Variants in KIF6 observed in about 807,000 individuals in gnomAD.
KIF6 encodes kinesin family member 6, also known as kinesin-like protein KIF6.
Under a neutral mutation model 112.7 loss-of-function variants are expected in KIF6, and 106 were observed. That is an observed-to-expected ratio of 0.94 (90% confidence interval 0.80 to 1.11). The LOEUF (loss-of-function observed/expected upper bound fraction) is 1.11, where lower values mean the gene tolerates loss of function less well. Ranked by LOEUF, KIF6 falls within the 50% of genes least tolerant of loss-of-function variation. The pLI is 0.00. For synonymous variants in KIF6, 339 were observed against 339.9 expected (o/e 1.00, Z 0.03); for missense variants, 929 against 964.0 (o/e 0.96, Z 0.48).
At chr6:39,447,503 T>C (rs1035020311) in intron 13 of KIF6, among the ~76,000 whole-genome samples, 2 of 151,948 alleles carry the variant, frequency 1.3e-5, no homozygotes, top group African/African-American at 2.4e-5. Flanking sequence ...AATGTAGCTA[T>C]ATTTGAATTT....
At chr6:39,401,817 C>T (rs1175141439) in intron 15 of KIF6, among the ~76,000 whole-genome samples, 1 of 152,226 alleles carries the variant, frequency 6.6e-6, no homozygotes, top group African/African-American at 2.4e-5. Flanking sequence ...TTTCATTATC[C>T]TTGTCTGAAA....
At chr6:39,573,486 G>T (rs1179485959) in intron 10 of KIF6, among the ~76,000 whole-genome samples, 1 of 152,162 alleles carries the variant, frequency 6.6e-6, no homozygotes, top group African/African-American at 2.4e-5. Flanking sequence ...AGAACACATT[G>T]TCTGAATAAT....
chr6:39,443,114 A>AAATAAT (rs370011414), intron 13 of KIF6, among the ~76,000 whole-genome samples: 10,155 of 131,392 alleles, frequency 0.077, 439 homozygotes, highest in East Asian at 0.13. Context: ...ACTGCATCTC[A>AAATAAT]AATAATAATA....
At chr6:39,515,290 A>G (rs1777008731) in intron 13 of KIF6, among the ~76,000 whole-genome samples, 2 of 152,232 alleles carry the variant, frequency 1.3e-5, no homozygotes, top group Non-Finnish European at 2.9e-5. Flanking sequence ...AAAGAGAACT[A>G]GATAACAAAG....
At chr6:39,497,869 T>C (rs1287544263) in intron 13 of KIF6, among the ~76,000 whole-genome samples, 1 of 152,224 alleles carries the variant, frequency 6.6e-6, no homozygotes, top group Non-Finnish European at 1.5e-5. Context: ...AAACAGATTA[T>C]AAACTATTGG....
At chr6:39,457,792 A>C (rs1773229917) in intron 13 of KIF6, among the ~76,000 whole-genome samples, 2 of 152,036 alleles carry the variant, frequency 1.3e-5, no homozygotes, top group Admixed American at 1.3e-4. Flanking sequence ...ACAATCCTCG[A>C]CACATACACT....
At chr6:39,448,646 T>C (rs1772491127) in intron 13 of KIF6, among the ~76,000 whole-genome samples, 1 of 152,198 alleles carries the variant, frequency 6.6e-6, no homozygotes, top group Non-Finnish European at 1.5e-5. Context: ...GTTTTTGTCC[T>C]ACCTCCCTGG....
At chr6:39,363,675 T>C (rs1275993426) in intron 16 of KIF6, among the ~76,000 whole-genome samples, 1 of 152,218 alleles carries the variant, frequency 6.6e-6, no homozygotes, top group Non-Finnish European at 1.5e-5. Context: ...AAGACTCTGC[T>C]ACAGTCCATG....
rs185986544 is a variant in KIF6, at chr6:39,721,403, C to A, written c.67-592G>T. Among the ~76,000 whole-genome samples, 10 of 152,246 alleles carry A rather than the reference C, an allele frequency of 6.6e-5. No individual in the cohort carries two copies. In the East Asian group the frequency reaches 1.9e-3, roughly 29 times the overall value. On this transcript the variant is annotated intron_variant, in intron 1 of 22. Transcript: ENST00000287152. ...TTTCAAGGTTCTCCTTCCAACTCAGCCACTAATTAGCAAGTGACCTGGGAG... is the reference window on the plus strand; with the variant it reads ...TTTCAAGGTTCTCCTTCCAACTCAGACACTAATTAGCAAGTGACCTGGGAG...
At chr6:39,524,152 A>AAG (rs59374171) in intron 13 of KIF6, among the ~76,000 whole-genome samples, 15,933 of 149,468 alleles carry the variant, frequency 0.11, 989 homozygotes, top group Middle Eastern at 0.22. Flanking sequence ...GTGTGTGTGA[A>AAG]AGAGAGAGAG....
intron 13 of KIF6, among the ~76,000 whole-genome samples, chr6:39,438,946 A>G (rs959820886): frequency 6.6e-6 from 1 of 152,232 alleles, no homozygotes; most frequent in East Asian, 1.9e-4. Context: ...TTGTGTTACA[A>G]TTGCCTACAG....
intron 6 of KIF6, among the ~76,000 whole-genome samples, chr6:39,609,147 A>G (rs1242539756): frequency 6.6e-6 from 1 of 152,206 alleles, no homozygotes; most frequent in African/African-American, 2.4e-5. Context: ...CATGCTCTTC[A>G]GCACTACTTG....
chr6:39,431,759 A>G (rs9380861), intron 13 of KIF6, among the ~76,000 whole-genome samples: 8,530 of 152,114 alleles, frequency 0.056, 450 homozygotes, highest in East Asian at 0.24. Context: ...AATATCCTGT[A>G]TCGCCTTTGC....
chr6:39,674,940 T>C (rs1162305362), intron 3 of KIF6, among the ~76,000 whole-genome samples: 5 of 151,762 alleles, frequency 3.3e-5, no homozygotes, highest in African/African-American at 1.2e-4. Flanking sequence ...AACAAATTAA[T>C]TGCATTAGTA....
At chr6:39,506,565 G>A (rs898964290) in intron 13 of KIF6, among the ~76,000 whole-genome samples, 1 of 152,140 alleles carries the variant, frequency 6.6e-6, no homozygotes, top group African/African-American at 2.4e-5. Context: ...TCTGCCCCTG[G>A]TTCCTGACAC....
intron 3 of KIF6, among the ~76,000 whole-genome samples, chr6:39,671,665 A>T (rs1255576895): frequency 6.6e-6 from 1 of 152,186 alleles, no homozygotes; most frequent in Non-Finnish European, 1.5e-5. Flanking sequence ...TCTGTATCTG[A>T]TGTCCCCACA....
intron 4 of KIF6, among the ~76,000 whole-genome samples, chr6:39,635,833 C>T (rs552239802): frequency 6.6e-5 from 10 of 152,116 alleles, no homozygotes; most frequent in Admixed American, 1.3e-4. Flanking sequence ...TCTTTTTCTT[C>T]CTCCAAAAAT....
At position 39,367,500 on chromosome 6, in the gene KIF6, G is replaced by C. The variant is rs973987734; in HGVS notation, c.1862-4982C>G. Among the ~76,000 whole-genome samples the C allele has an allele frequency of 9.2e-5, 14 of 152,144 alleles. 1 individual carries two copies. Among genetic ancestry groups the C allele is most frequent in the Non-Finnish European group, 5.9e-5 (4 of 68,034 alleles). On this transcript the variant is annotated intron_variant, in intron 16 of 22. Coordinates refer to ENST00000287152, the MANE Select transcript of KIF6 (RefSeq NM_145027.6). Reference sequence around the variant, plus strand: ...CCAAAGCAGTACAAAAGCAAGAGAAGGGTTTCACTCAGTGGCTGTAGGTCT... The same window carrying C: ...CCAAAGCAGTACAAAAGCAAGAGAACGGTTTCACTCAGTGGCTGTAGGTCT...
At chr6:39,643,774 T>C (rs1302343361) in intron 3 of KIF6, among the ~76,000 whole-genome samples, 1 of 152,166 alleles carries the variant, frequency 6.6e-6, no homozygotes, top group Non-Finnish European at 1.5e-5. Context: ...CAATGTTTTT[T>C]AGATATGACA....
Sources: gnomAD v4.1 joint callset for allele counts (sites outside exome capture counted in the v4.1 genomes callset) on GRCh38, gnomAD v4.1.1 for gene constraint, MANE v1.5 for transcripts, NCBI Gene and HGNC (gene_info 2026-07-23, HGNC 2026-07-21) for gene names.